The following SBNO2 variants were observed in gnomAD, a reference collection of about 807,000 sequenced individuals.
SBNO2 encodes protein strawberry notch homolog 2.
A neutral mutation model predicts 146.3 loss-of-function variants in SBNO2; 89 were observed. That is an observed-to-expected ratio of 0.61 (90% CI 0.51 to 0.73). The LOEUF is 0.73. Among genes scored for constraint, SBNO2 ranks in the 30% least tolerant of loss-of-function variants. The pLI is 0.00. For missense variants in SBNO2, 2,092 were observed against 2,003.7 expected (o/e 1.04, Z -0.84); for synonymous variants, 1,147 against 892.6 (o/e 1.29, Z -5.08).
intron 1 of SBNO2, among the ~76,000 whole-genome samples, chr19:1,156,015 G>T (rs934329608): frequency 1.3e-5 from 2 of 152,192 alleles, no homozygotes; most frequent in Non-Finnish European, 2.9e-5. Context: ...CTGATGGGCA[G>T]CAGGGCCCAG....
At chr19:1,123,494 T>C (rs748917907) in intron 7 of SBNO2, 40 bp downstream of exon 7, 3 of 1,573,068 alleles carry the variant, frequency 1.9e-6, no homozygotes, top group Middle Eastern at 1.7e-4. Flanking sequence ...ACAAAAGGGT[T>C]TGAACCTGTC....
chr19:1,122,705 G>A lies in SBNO2; in HGVS notation c.867C>T (p.Ala289=), dbSNP rs968470647. 5.9e-5 allele frequency: 91 copies of A among 1,536,216 alleles called. No individual in the cohort carries two copies. Among genetic ancestry groups the A allele is most frequent in the Non-Finnish European group, 7.2e-5 (83 of 1,146,364 alleles). Residue 289 remains alanine (A), a synonymous_variant, in exon 9 of 32, where the codon GCC becomes GCT. Transcript: ENST00000361757. ...GCAGGTGGTTCTCCAGGATGACTCCGGCCACCGTCCGGCCTTTGCCCACGC... is the reference window on the plus strand; with the variant it reads ...GCAGGTGGTTCTCCAGGATGACTCCAGCCACCGTCCGGCCTTTGCCCACGC... The part of the protein sequence containing the change: ...GAGVGKGRTV[A]GVILENHLRG...
At chr19:1,165,257 C>T (rs1200455321) in intron 1 of SBNO2, among the ~76,000 whole-genome samples, 1 of 152,142 alleles carries the variant, frequency 6.6e-6, no homozygotes, top group Non-Finnish European at 1.5e-5. Context: ...GCATGGTCAG[C>T]ACGGTGCCGA....
chr19:1,159,150 C>G (rs1210198511), intron 1 of SBNO2, among the ~76,000 whole-genome samples: 3 of 152,186 alleles, frequency 2.0e-5, no homozygotes, highest in African/African-American at 7.2e-5. Context: ...GGGCAATCAC[C>G]CTCTACCTGG....
At chr19:1,142,122 A>C in intron 4 of SBNO2, among the ~76,000 whole-genome samples, 1 of 70,372 alleles carries the variant, frequency 1.4e-5, no homozygotes, top group African/African-American at 5.7e-5. Context: ...CTCATGATCA[A>C]CCCTCCCTCA....
In SBNO2 at chr19:1,150,108, C is replaced by A. The variant is rs960786928; in HGVS notation, c.94-666G>T. ...GAGGCGTGAGTGGCTCCAGGTTGGC[C>A]GAATCTCTGGTGGGTCTGACTCCAG... On this transcript the variant is annotated intron_variant, in intron 2 of 31. Transcript: ENST00000361757. The surrounding 1 kb of genome is among the most constrained non-coding windows in gnomAD (Gnocchi z 6.2). Among the ~76,000 whole-genome samples the A allele has an allele frequency of 6.6e-6, 1 of 152,098 alleles. No homozygotes were observed. Among genetic ancestry groups the A allele is most frequent in the African/African-American group, 2.4e-5 (1 of 41,396 alleles).
intron 1 of SBNO2, among the ~76,000 whole-genome samples, chr19:1,155,388 T>TGG (rs1238440992): frequency 1.3e-5 from 2 of 152,136 alleles, no homozygotes; most frequent in East Asian, 3.9e-4. Context: ...TCAGGCACAG[T>TGG]GGGGGTCACC....
intron 5 of SBNO2, among the ~76,000 whole-genome samples, chr19:1,124,706 C>T (rs2079945204): frequency 6.6e-6 from 1 of 152,232 alleles, no homozygotes. Flanking sequence ...CGGCCCCACC[C>T]TGGGGAGAAG....
rs540258265 is a variant in SBNO2, at chr19:1,157,816, C to CT, written c.-126-3415_-126-3414insA. Among the ~76,000 whole-genome samples, 13 of 151,046 alleles carry CT rather than the reference C, an allele frequency of 8.6e-5. No homozygotes were observed. The highest frequency in any genetic ancestry group is 3.2e-4 in the African/African-American group (13 of 40,512). On this transcript the variant is annotated intron_variant, in intron 1 of 31. Coordinates refer to ENST00000361757, the MANE Select transcript of SBNO2 (RefSeq NM_014963.3). This position sits in a 1 kb window ranked among gnomAD's most constrained non-coding sequence, Gnocchi z 6.8. ...AACTGTGTCCGCCTCCCAGCTCTCT[C>CT]CTGAGTCCGGGTAACTGCGTCCGCC...
chr19:1,171,021 A>G (rs4807632), intron 1 of SBNO2, among the ~76,000 whole-genome samples: 30,103 of 151,832 alleles, frequency 0.2, 3,395 homozygotes, highest in East Asian at 0.46. Flanking sequence ...CAACACACAA[A>G]ATACAGACAC....
chr19:1,122,575 T>G lies in SBNO2; in HGVS notation c.915-17A>C. ...ACGCTGAACCTGCGGGGTGGGGGCG[T>G]CAGGCGCGCCCACCCTTCCCCCTCG... On this transcript the variant is annotated splice_polypyrimidine_tract_variant and intron_variant, in intron 9 of 31. Transcript: ENST00000361757. 6.6e-7 allele frequency: 1 copy of G among 1,525,056 alleles called. No individual in the cohort carries two copies. 94.5% of individuals were successfully genotyped at this position (1,525,056 alleles called of 1,614,324 possible).
At chr19:1,128,763 T>C (rs2079995945) in intron 4 of SBNO2, among the ~76,000 whole-genome samples, 2 of 145,364 alleles carry the variant, frequency 1.4e-5, no homozygotes, top group African/African-American at 2.6e-5. Flanking sequence ...AGTCCAGGAG[T>C]TCAAGATTCG....
In SBNO2 at chr19:1,147,439, G is replaced by C. The variant is rs576889686; in HGVS notation, c.168-19C>G. ...GAACGGGCTGGAGGGAGATGGGGGG[G>C]GGGGAGGTGAGATGGGGTGCTCAAC... On this transcript the variant is annotated intron_variant, in intron 3 of 31. Transcript: ENST00000361757. The C allele has an allele frequency of 9.7e-5, 123 of 1,265,286 alleles. 5 individuals carry two copies. Among genetic ancestry groups the C allele is most frequent in the South Asian group, 5.5e-4 (39 of 70,986 alleles). The allele number at this position is 1,265,286 out of a possible 1,614,324, so 78.4% of individuals were successfully genotyped here.
chr19:1,108,984 G>C lies in SBNO2; in HGVS notation c.3426-15C>G, dbSNP rs975481720. The C allele has an allele frequency of 2.0e-6, 3 of 1,505,286 alleles. No individual in the cohort carries two copies. Among genetic ancestry groups the C allele is most frequent in the African/African-American group, 2.8e-5 (2 of 72,042 alleles). The allele number at this position is 1,505,286 out of a possible 1,614,324, so 93.2% of individuals were successfully genotyped here. On this transcript the variant is annotated splice_polypyrimidine_tract_variant and intron_variant, in intron 30 of 31. Coordinates refer to ENST00000361757, the MANE Select transcript of SBNO2 (RefSeq NM_014963.3). Reference sequence around the variant, plus strand: ...AGTGCCGGTTCCTGCGGACGAGACGGGTCGTCTCGGCTCAGGCGGGTCCCA... The same window carrying C: ...AGTGCCGGTTCCTGCGGACGAGACGCGTCGTCTCGGCTCAGGCGGGTCCCA...
chr19:1,113,848 G>A (rs981238157), intron 18 of SBNO2, 144 bp from the exon 19 acceptor site: 22 of 1,115,962 alleles, frequency 2.0e-5, no homozygotes, highest in African/African-American at 3.3e-5. Flanking sequence ...GCCCGGCACC[G>A]TGGCCCAGGA....
intron 2 of SBNO2, among the ~76,000 whole-genome samples, chr19:1,152,975 AAACCTCATCTCT>A (rs1187922332): frequency 6.6e-6 from 1 of 151,924 alleles, no homozygotes; most frequent in Non-Finnish European, 1.5e-5. Context: ...CAACGGGGCA[AAACCTCATCTCT>A]ACGAGAAAAT....
intron 4 of SBNO2, among the ~76,000 whole-genome samples, chr19:1,133,425 G>A (rs533252128): frequency 6.6e-6 from 1 of 152,132 alleles, no homozygotes; most frequent in African/African-American, 2.4e-5. Context: ...GGGACCAGGG[G>A]GCCCTCAAAC....
intron 1 of SBNO2, among the ~76,000 whole-genome samples, chr19:1,170,789 G>A (rs747324648): frequency 4.6e-5 from 7 of 151,550 alleles, no homozygotes; most frequent in Non-Finnish European, 8.8e-5. Flanking sequence ...CAACATGCGG[G>A]CACACACAAC....
intron 1 of SBNO2, among the ~76,000 whole-genome samples, chr19:1,161,906 C>CGGGGGGGGGGGGG (rs916715232): frequency 7.4e-4 from 1 of 1,344 alleles, no homozygotes; most frequent in African/African-American, 4.1e-3. Flanking sequence ...TGGGGAGCCG[C>CGGGGGGGGGGGGG]GGGGGGGGGG....
Sources: gnomAD v4.1 joint callset for allele counts (sites outside exome capture counted in the v4.1 genomes callset) on GRCh38, gnomAD v4.1.1 for gene constraint, Gnocchi (gnomAD v3.1) non-coding constraint, MANE v1.5 for transcripts, NCBI Gene and HGNC (gene_info 2026-07-23, HGNC 2026-07-21) for gene names.